The following FRMPD4 variants were observed in gnomAD, a reference collection of about 807,000 sequenced individuals.
FRMPD4 encodes the protein FERM and PDZ domain containing 4, also known as FERM and PDZ domain-containing protein 4.
FRMPD4 carries 22 observed loss-of-function variants against 94.1 expected under a neutral mutation model. The ratio of observed to expected loss-of-function variants is 0.23; its 90% CI spans 0.17 to 0.33. The LOEUF (loss-of-function observed/expected upper bound fraction) is 0.33. Ranked by LOEUF, FRMPD4 falls within the 10% of genes least tolerant of loss-of-function variation. The probability of loss-of-function intolerance (pLI) is 1.00; values close to 1 mark genes in which losing one functional copy is unlikely to be tolerated. For missense variants in FRMPD4, 1,111 were observed against 1,339.9 expected (o/e 0.83, Z 2.67); for synonymous variants, 631 against 548.6 (o/e 1.15, Z -2.10).
intron 1 of FRMPD4, among the ~76,000 whole-genome samples, chrX:12,335,509 T>C (rs113049926): frequency 0.071 from 7,926 of 111,304 alleles, 716 homozygotes; most frequent in African/African-American, 0.24. Flanking sequence ...AATAACACAT[T>C]GCCTCCTACC....
At chrX:12,065,736 A>G (rs1404719929) in intron 3 of FRMPD4, among the ~76,000 whole-genome samples, 1 of 112,470 alleles carries the variant, frequency 8.9e-6, no homozygotes, top group African/African-American at 3.2e-5. Flanking sequence ...GGGGACATAG[A>G]CACACCTTAT....
At chrX:11,934,265 G>C (rs2054138058) in intron 3 of FRMPD4, among the ~76,000 whole-genome samples, 1 of 112,206 alleles carries the variant, frequency 8.9e-6, no homozygotes, top group Admixed American at 9.5e-5. Flanking sequence ...CTTAAAGCAG[G>C]AAAGTGTGCT....
chrX:12,690,401 C>A (rs190309557), intron 8 of FRMPD4, 75 bp downstream of exon 8: 5 of 872,353 alleles, frequency 5.7e-6, no homozygotes, highest in Admixed American at 5.1e-5. Context: ...ATTTCTCCCC[C>A]ACTCTAATCC....
chrX:12,706,944 T>A, intron 12 of FRMPD4, 29 bp downstream of exon 12: 1 of 752,966 alleles, frequency 1.3e-6, no homozygotes, highest in Non-Finnish European at 1.9e-6. Flanking sequence ...TTTTTTTTGC[T>A]TTCTCTTGGA....
rs1175459976 is a variant in FRMPD4, at chrX:12,118,501, T to G, written c.95+240483T>G. On this transcript the variant is annotated intron_variant, in intron 3 of 18. Transcript: ENST00000640291. Reference sequence around the variant, plus strand: ...TTTCCAAGTCACCGTTGGGGCACTGTCATTGTCAATGGAAGCAGAAAGGCC... The same window carrying G: ...TTTCCAAGTCACCGTTGGGGCACTGGCATTGTCAATGGAAGCAGAAAGGCC... Among the ~76,000 whole-genome samples the G allele has an allele frequency of 4.5e-5, 5 of 112,264 alleles. 1 individual carries two copies. Among genetic ancestry groups the G allele is most frequent in the Admixed American group, 3.8e-4 (4 of 10,584 alleles).
rs374811541 is a variant in FRMPD4 at position 12,495,855 on chromosome X, C to T, written c.42-2825C>T. ...ATCCCCAGATATTCGGGCTCAGTGGCTTGGCTTTGGTTCCAGGCATCTGTA... is the reference window on the plus strand; with the variant it reads ...ATCCCCAGATATTCGGGCTCAGTGGTTTGGCTTTGGTTCCAGGCATCTGTA... On this transcript the variant is annotated intron_variant, in intron 1 of 16. Transcript: ENST00000675598. Among the ~76,000 whole-genome samples the T allele has an allele frequency of 3.6e-5, 4 of 112,269 alleles. No homozygotes were observed. The East Asian group carries it at 8.3e-4, about 23-fold the overall frequency.
intron 3 of FRMPD4, among the ~76,000 whole-genome samples, chrX:11,968,505 G>A (rs1464682203): frequency 9.0e-6 from 1 of 111,447 alleles, no homozygotes. Flanking sequence ...TAAAAAGCAT[G>A]CAGTTTACAT....
intron 1 of FRMPD4, among the ~76,000 whole-genome samples, chrX:12,256,110 C>T (rs1332958370): frequency 9.0e-6 from 1 of 111,531 alleles, no homozygotes; most frequent in African/African-American, 3.3e-5. Context: ...ATTGGGAGGC[C>T]CATATAGGGT....
At chrX:12,155,179 A>G (rs1287064504) in intron 1 of FRMPD4, among the ~76,000 whole-genome samples, 1 of 112,166 alleles carries the variant, frequency 8.9e-6, no homozygotes, top group Non-Finnish European at 1.9e-5. Flanking sequence ...GAGTTGAGAA[A>G]GTAATCAACC....
chrX:12,162,361 T>A (rs746877183), intron 1 of FRMPD4, among the ~76,000 whole-genome samples: 4 of 112,238 alleles, frequency 3.6e-5, no homozygotes, highest in Non-Finnish European at 7.5e-5. Flanking sequence ...TGGTGATGGT[T>A]TCTAAGAATA....
intron 2 of FRMPD4, among the ~76,000 whole-genome samples, chrX:12,547,979 G>C (rs940814889): frequency 1.8e-5 from 2 of 112,090 alleles, no homozygotes; most frequent in Non-Finnish European, 1.9e-5. Flanking sequence ...ATACACTGCA[G>C]ACATTTTAGA....
intron 1 of FRMPD4, among the ~76,000 whole-genome samples, chrX:12,190,549 C>A (rs1229406589): frequency 9.1e-6 from 1 of 110,306 alleles, no homozygotes; most frequent in East Asian, 2.8e-4. Flanking sequence ...AATCAGAGAT[C>A]AGGGGATCAA....
chrX:12,526,129 C>T (rs750037740), intron 2 of FRMPD4, among the ~76,000 whole-genome samples: 2 of 112,108 alleles, frequency 1.8e-5, no homozygotes, highest in South Asian at 7.5e-4. Flanking sequence ...TTCGAAATGC[C>T]TCCTCACAGG....
intron 3 of FRMPD4, among the ~76,000 whole-genome samples, chrX:12,080,412 G>C (rs779471279): frequency 2.5e-4 from 28 of 111,811 alleles, no homozygotes; most frequent in Non-Finnish European, 3.6e-4. Context: ...TATTTAGGTG[G>C]TATCACCACA....
chrX:12,119,967 A>G (rs960796988), intron 3 of FRMPD4, among the ~76,000 whole-genome samples: 3 of 112,389 alleles, frequency 2.7e-5, no homozygotes, highest in African/African-American at 9.7e-5. Context: ...AATGAAAGAC[A>G]AGTAAAGAAA....
chrX:12,690,111 T>C, intron 7 of FRMPD4, 84 bp from the exon 8 acceptor site: 1 of 691,539 alleles, frequency 1.4e-6, no homozygotes, highest in Non-Finnish European at 2.1e-6. Flanking sequence ...GCAGCCTACA[T>C]GTGTAACACT....
chrX:12,544,542 C>T (rs757121475), intron 2 of FRMPD4, among the ~76,000 whole-genome samples: 13 of 111,775 alleles, frequency 1.2e-4, no homozygotes, highest in South Asian at 7.6e-4. Context: ...TGTGGGCATT[C>T]GGGAAGTGAA....
intron 1 of FRMPD4, among the ~76,000 whole-genome samples, chrX:12,146,707 C>T (rs900748773): frequency 2.1e-4 from 24 of 112,464 alleles, no homozygotes; most frequent in African/African-American, 7.4e-4. Flanking sequence ...TTAAATAGCT[C>T]GACTGACATC....
intron 1 of FRMPD4, among the ~76,000 whole-genome samples, chrX:12,401,332 C>T (rs1007987181): frequency 9.1e-6 from 1 of 110,157 alleles, no homozygotes; most frequent in East Asian, 2.8e-4. Flanking sequence ...TCCTCCTTTT[C>T]CCCCCTCCTT....
Sources: allele counts gnomAD v4.1 joint callset (sites outside exome capture counted in the v4.1 genomes callset), GRCh38; gene constraint gnomAD v4.1.1; transcripts MANE v1.5; gene names NCBI Gene and HGNC (gene_info 2026-07-23, HGNC 2026-07-21).